MFSD6: variants seen among roughly 807,000 people sequenced by gnomAD.
MFSD6 encodes major facilitator superfamily domain containing 6, also known as major facilitator superfamily domain-containing protein 6.
Under a neutral mutation model 56.3 loss-of-function variants are expected in MFSD6, and 26 were observed. That is an observed-to-expected ratio of 0.46 (90% CI 0.34 to 0.64). The LOEUF (loss-of-function observed/expected upper bound fraction) is 0.64. Ranked by LOEUF, MFSD6 falls within the 30% of genes least tolerant of loss-of-function variation. The pLI, the probability that MFSD6 is intolerant of heterozygous loss-of-function variation, is 0.01. For synonymous variants in MFSD6, 331 were observed against 366.9 expected, an observed-to-expected ratio of 0.90 and a Z score of 1.12; for missense variants, 750 against 986.2, an observed-to-expected ratio of 0.76 and a Z score of 3.21.
intron 3 of MFSD6, among the ~76,000 whole-genome samples, chr2:190,466,689 A>G (rs1238452056): frequency 6.6e-6 from 1 of 152,194 alleles, no homozygotes; most frequent in Non-Finnish European, 1.5e-5. Context: ...ATATGAGGAA[A>G]CTGAGGCTCA....
At chr2:190,464,879 T>C (rs776974566) in intron 3 of MFSD6, 455 of 978,902 alleles carry the variant, frequency 4.6e-4, no homozygotes, top group Middle Eastern at 5.2e-4. Context: ...GCAAAATTTA[T>C]GTTCACTGTG....
At chr2:190,421,423 T>C (rs1685609198) in intron 2 of MFSD6, among the ~76,000 whole-genome samples, 2 of 152,168 alleles carry the variant, frequency 1.3e-5, no homozygotes, top group East Asian at 3.8e-4. Flanking sequence ...ACTCCATATT[T>C]CTTTCTCAGT....
chr2:190,411,157 AGTAG>A (rs749203664), intron 1 of MFSD6: 7 of 752,456 alleles, frequency 9.3e-6, no homozygotes, highest in Non-Finnish European at 1.1e-5. Context: ...AACTGTTGAC[AGTAG>A]TTTTTTTTTT....
In MFSD6 at chr2:190,499,892, T is replaced by C. The variant is rs564314465; in HGVS notation, c.2173-123T>C. The C allele has an allele frequency of 9.6e-6, 15 of 1,564,278 alleles. No individual in the cohort carries two copies. The highest frequency in any genetic ancestry group is 1.4e-5 in the African/African-American group (1 of 73,864). ...CTATCCTTATTCCTCTATTACTTGG[T>C]CCCTGAAATGGGCACTTCCGGATGA... On this transcript the variant is annotated intron_variant, in intron 7 of 7. Transcript: ENST00000392328. This position sits in a 1 kb window ranked among gnomAD's most constrained non-coding sequence, Gnocchi z 6.0.
In MFSD6 at chr2:190,472,148, A is replaced by G. The variant is rs1312596908; in HGVS notation, c.1630+2293A>G. Among the ~76,000 whole-genome samples, 20 of 152,222 alleles carry G rather than the reference A, an allele frequency of 1.3e-4. 1 individual carries two copies. The highest frequency in any genetic ancestry group is 1.2e-3 in the Admixed American group (19 of 15,290). ...AACCACAAAGATGGGGAAAAAACAG[A>G]GCAGAAAAACTGAAAATTCTAAAAA... On this transcript the variant is annotated intron_variant, in intron 4 of 7. Transcript: ENST00000392328.
Position 190,447,333 on chromosome 2 carries a change from T to C in MFSD6, c.1532+9772T>C, listed in dbSNP as rs1559116915. 6.6e-6 allele frequency among the ~76,000 whole-genome samples: 1 copy of C among 152,210 alleles called. No homozygotes were observed. The highest frequency in any genetic ancestry group is 2.4e-5 in the African/African-American group (1 of 41,450). On this transcript the variant is annotated intron_variant, in intron 3 of 7. Transcript: ENST00000392328. This position sits in a 1 kb window ranked among gnomAD's most constrained non-coding sequence, Gnocchi z 4.5. ...GAGTGATTGAGCGAAACTGTGAGGT[T>C]AGGTCAGTGTGAGTCCATCACCAGT...
At chr2:190,441,640 G>A (rs1196068108) in intron 3 of MFSD6, among the ~76,000 whole-genome samples, 1 of 151,974 alleles carries the variant, frequency 6.6e-6, no homozygotes, top group East Asian at 1.9e-4. Flanking sequence ...AAGACTCTAG[G>A]GAAGCTACAG....
rs1169288976 is a variant in MFSD6, at chr2:190,424,072, A to G, written c.-54+8659A>G. Among the ~76,000 whole-genome samples, 1 of 152,180 alleles carries G rather than the reference A, an allele frequency of 6.6e-6. No homozygotes were observed. The highest frequency in any genetic ancestry group is 1.5e-5 in the Non-Finnish European group (1 of 68,036). On this transcript the variant is annotated intron_variant, in intron 2 of 7. Transcript: ENST00000392328. The surrounding 1 kb of genome is among the most constrained non-coding windows in gnomAD (Gnocchi z 5.9). Reference sequence around the variant, plus strand: ...ATTTGTGGTTTCCAAGTATTTTCTCACAGTCTGTAGCTTGTGTTTTCATCC... The same window carrying G: ...ATTTGTGGTTTCCAAGTATTTTCTCGCAGTCTGTAGCTTGTGTTTTCATCC...
chr2:190,419,472 T>C (rs1013276934), intron 2 of MFSD6, among the ~76,000 whole-genome samples: 1 of 152,260 alleles, frequency 6.6e-6, no homozygotes, highest in Non-Finnish European at 1.5e-5. Context: ...CACTGAGTTA[T>C]GATGGCCATG....
At position 190,437,040 on chromosome 2, in the gene MFSD6, G is replaced by C. The variant is rs1162905050; in HGVS notation, c.1011G>C (p.Leu337=). 1 of 1,614,208 alleles carries C rather than the reference G, an allele frequency of 6.2e-7. No homozygotes were observed. Among genetic ancestry groups the C allele is most frequent in the South Asian group, 1.1e-5 (1 of 91,084 alleles). ...QRMWGSLGWG[L]AMLSVGIGID... ...TGTGGGGCTCCCTGGGCTGGGGCCTGGCGATGCTGTCTGTGGGCATCGGGA... is the reference window on the plus strand; with the variant it reads ...TGTGGGGCTCCCTGGGCTGGGGCCTCGCGATGCTGTCTGTGGGCATCGGGA... Residue 337 remains leucine, a synonymous_variant, in exon 3 of 8, where the codon CTG becomes CTC. Coordinates refer to ENST00000392328, the MANE Select transcript of MFSD6 (RefSeq NM_017694.4). The surrounding 1 kb of genome is among the most constrained non-coding windows in gnomAD (Gnocchi z 5.9).
chr2:190,436,777 G>T lies in MFSD6; in HGVS notation c.748G>T (p.Val250Phe). The change falls in exon 3 of 8, where the codon GTC becomes TTC. Residue 250 changes from valine (V) to phenylalanine (F), a missense_variant. Val to Phe is a conservative substitution (Grantham distance 50). Coordinates refer to ENST00000392328, the MANE Select transcript of MFSD6 (RefSeq NM_017694.4). The surrounding 1 kb of genome is among the most constrained non-coding windows in gnomAD (Gnocchi z 5.3). ...TTTGAACTCAAGCACAGCAACCCCTGTCTCCCCAGGAAGCGTAACCAAGGA... is the reference window on the plus strand; with the variant it reads ...TTTGAACTCAAGCACAGCAACCCCTTTCTCCCCAGGAAGCGTAACCAAGGA... ...LTLNSSTATP[V>F]SPGSVTKETT... 6.2e-7 allele frequency: 1 copy of T among 1,614,120 alleles called. No individual in the cohort carries two copies. The highest frequency in any genetic ancestry group is 8.5e-7 in the Non-Finnish European group (1 of 1,180,034).
At chr2:190,468,033 T>C (rs959187321) in intron 3 of MFSD6, among the ~76,000 whole-genome samples, 1 of 152,222 alleles carries the variant, frequency 6.6e-6, no homozygotes, top group Non-Finnish European at 1.5e-5. Flanking sequence ...GCTTAGAATT[T>C]GTAAAAGGAG....
In MFSD6 at chr2:190,436,545, A is replaced by T. The variant is rs757609779; in HGVS notation, c.516A>T (p.Ala172=). 6.2e-7 allele frequency: 1 copy of T among 1,614,234 alleles called. No individual in the cohort carries two copies. The highest frequency in any genetic ancestry group is 1.7e-5 in the Admixed American group (1 of 60,024). The part of the protein sequence containing the change: ...KIRPTTHPTN[A]SHQLTILPTN... ...GCCCAACAACTCACCCCACCAATGC[A>T]AGTCACCAGTTAACTATCCTGCCAA... is the stretch of plus-strand genomic sequence containing the variant. Residue 172 remains alanine (A), a synonymous_variant, in exon 3 of 8, where the codon GCA becomes GCT. Coordinates refer to ENST00000392328, the MANE Select transcript of MFSD6 (RefSeq NM_017694.4). This position sits in a 1 kb window ranked among gnomAD's most constrained non-coding sequence, Gnocchi z 5.3.
chr2:190,429,174 T>C (rs957367700), intron 2 of MFSD6, among the ~76,000 whole-genome samples: 5 of 152,046 alleles, frequency 3.3e-5, no homozygotes, highest in Non-Finnish European at 7.4e-5. Flanking sequence ...ACTGATTTTT[T>C]TCTATTGATT....
At chr2:190,446,469 T>A (rs928698201) in intron 3 of MFSD6, among the ~76,000 whole-genome samples, 2 of 152,126 alleles carry the variant, frequency 1.3e-5, no homozygotes, top group African/African-American at 4.8e-5. Context: ...AAAACCCAAC[T>A]GAAAAGTAGT....
intron 1 of MFSD6, chr2:190,411,581 A>G: frequency 2.0e-6 from 2 of 979,478 alleles, no homozygotes; most frequent in Non-Finnish European, 2.4e-6. Context: ...TTCTCTTATT[A>G]TATAAACTAA....
In MFSD6 at chr2:190,489,464, C is replaced by A. The variant is rs1689204429; in HGVS notation, c.1793-304C>A. On this transcript the variant is annotated intron_variant, in intron 5 of 7. Transcript: ENST00000392328. The surrounding 1 kb of genome is among the most constrained non-coding windows in gnomAD (Gnocchi z 6.6). Reference sequence around the variant, plus strand: ...GTTAGTTAATAATTGGGTAAATGGTCTTTTCATATGAAGAGGAGAGCACCA... The same window carrying A: ...GTTAGTTAATAATTGGGTAAATGGTATTTTCATATGAAGAGGAGAGCACCA... Among the ~76,000 whole-genome samples, 1 of 152,158 alleles carries A rather than the reference C, an allele frequency of 6.6e-6. No homozygotes were observed. Among genetic ancestry groups the A allele is most frequent in the Non-Finnish European group, 1.5e-5 (1 of 68,038 alleles).
At chr2:190,440,928 G>C (rs1686350371) in intron 3 of MFSD6, among the ~76,000 whole-genome samples, 1 of 152,186 alleles carries the variant, frequency 6.6e-6, no homozygotes, top group Admixed American at 6.5e-5. Flanking sequence ...AACCAGAACA[G>C]ATAGCAAGAT....
chr2:190,452,684 G>A (rs941580599), intron 3 of MFSD6, among the ~76,000 whole-genome samples: 3 of 152,088 alleles, frequency 2.0e-5, no homozygotes. Context: ...CTAATGCCTG[G>A]TATCACTTTT....
Sources: gnomAD v4.1 joint callset for allele counts (sites outside exome capture counted in the v4.1 genomes callset) on GRCh38, gnomAD v4.1.1 for gene constraint, Gnocchi (gnomAD v3.1) non-coding constraint, MANE v1.5 for transcripts, NCBI Gene and HGNC (gene_info 2026-07-23, HGNC 2026-07-21) for gene names.